The following NHLH2 variants were observed in gnomAD, a reference collection of about 807,000 sequenced individuals.
The protein encoded by NHLH2 is nescient helix-loop-helix 2, also known as helix-loop-helix protein 2.
Under a neutral mutation model 7.3 loss-of-function variants are expected in NHLH2, and 7 were observed. The observed-to-expected ratio is 0.96, with a 90% CI of 0.55 to 1.81. The LOEUF (loss-of-function observed/expected upper bound fraction) is 1.81. NHLH2 is among the 40% of genes most tolerant of loss of function. NHLH2 has a pLI of 0.00. For missense variants in NHLH2, 155 were observed against 194.0 expected, an observed-to-expected ratio of 0.80 and a Z score of 1.19; for synonymous variants, 93 against 91.6, an observed-to-expected ratio of 1.01 and a Z score of -0.09.
At chr1:115,832,055 G>A (rs924400674), downstream of NHLH2, among the ~76,000 whole-genome samples, 1 of 152,090 alleles carries the variant, frequency 6.6e-6, no homozygotes, top group African/African-American at 2.4e-5. Context: ...CTGAAAACTG[G>A]CCCTCTGCTT....
rs556966489 is a variant in NHLH2, at chr1:115,838,964, C to T, written c.-8-584G>A. 1.3e-3 allele frequency: 210 copies of T among 167,222 alleles called. 1 individual carries two copies. The highest frequency in any genetic ancestry group is 2.5e-3 in the Non-Finnish European group (174 of 68,372). 10.4% of individuals were successfully genotyped at this position (167,222 alleles called of 1,614,324 possible). ...TGGGGTGCGGCCGGTCAGGAATCCC[C>T]ATCCTGGAGCGCAGGCGGAGAGCCA... On this transcript the variant is annotated intron_variant, in intron 2 of 2. Transcript: ENST00000320238.
intron 2 of NHLH2, chr1:115,838,624 G>GGACA: frequency 2.3e-6 from 1 of 433,776 alleles, no homozygotes; most frequent in African/African-American, 2.1e-5. Context: ...ATACTAGACT[G>GGACA]GACACCTCGA....
At chr1:115,833,770 G>A (rs1388587120), downstream of NHLH2, among the ~76,000 whole-genome samples, 1 of 152,178 alleles carries the variant, frequency 6.6e-6, no homozygotes, top group Non-Finnish European at 1.5e-5. Context: ...TACTAATACT[G>A]ATAAATGAGA....
chr1:115,838,046 CG>C lies in NHLH2; in HGVS notation c.326del (p.Pro109ArgfsTer148). On this transcript the variant is annotated frameshift_variant, in exon 3 of 3. Transcript: ENST00000320238. LOFTEE classifies it high-confidence loss of function. ...ELRKLLPTLPPDKKLSKIEIL... is the reference protein window; with the variant it reads ...ELRKLLPTLPXDKKLSKIEIL... ...TCTCGATCTTGGAGAGCTTCTTGTC[CG>C]GGGGCAGCGTGGGCAGCAATTTGCG... The C allele has an allele frequency of 1.2e-6, 2 of 1,609,848 alleles. No individual in the cohort carries two copies. The highest frequency in any genetic ancestry group is 8.5e-7 in the Non-Finnish European group (1 of 1,178,368).
chr1:115,840,743 AT>A (rs34163403), intron 1 of NHLH2, 199 bp from the exon 2 acceptor site: 2,409 of 141,944 alleles, frequency 0.017, 34 homozygotes, highest in African/African-American at 0.034. Flanking sequence ...CTCAGAAGTG[AT>A]TTTTTTTTTT....
In NHLH2 at chr1:115,836,890, T is replaced by C. The variant is rs1488051310; in HGVS notation, c.*1075A>G. On this transcript the variant is annotated 3_prime_UTR_variant, in exon 3 of 3. Transcript: ENST00000320238. ...CAAAAGAACCTTTCAAGAACAAACA[T>C]CTTAATATATAAAATATGTTTAGAA... 6.6e-6 allele frequency: 1 copy of C among 152,172 alleles called. No homozygotes were observed. Among genetic ancestry groups the C allele is most frequent in the African/African-American group, 2.4e-5 (1 of 41,428 alleles). The allele number at this position is 152,172 out of a possible 1,614,324, so 9.4% of individuals were successfully genotyped here.
chr1:115,838,579 C>T, intron 2 of NHLH2, 199 bp from the exon 3 acceptor site: 1 of 506,402 alleles, frequency 2.0e-6, no homozygotes, highest in Non-Finnish European at 3.4e-6. Context: ...CGCCCTGGCG[C>T]GGGAGCCGGC....
At chr1:115,835,195 T>A (rs964052230), downstream of NHLH2, among the ~76,000 whole-genome samples, 8 of 151,962 alleles carry the variant, frequency 5.3e-5, no homozygotes, top group African/African-American at 1.7e-4. Flanking sequence ...GAATGGGAGG[T>A]CTGTGTTGGT....
At position 115,838,211 on chromosome 1, in the gene NHLH2, G is replaced by A. The variant is rs201310797; in HGVS notation, c.162C>T (p.Ala54=). 1,355 of 1,559,662 alleles carry A rather than the reference G, an allele frequency of 8.7e-4. 11 individuals are homozygous for A. In the African/African-American group the frequency reaches 0.016, roughly 18 times the overall value. ...AEGDGKGGSR[A]ALYPHPQQLS... ...GCTGCTGCGGGTGCGGGTAGAGCGC[G>A]GCTCGGCTGCCGCCCTTGCCGTCGC... is the stretch of plus-strand genomic sequence containing the variant. Residue 54 remains alanine (A), a synonymous_variant, in exon 3 of 3, where the codon GCC becomes GCT. Transcript: ENST00000320238.
In NHLH2 at chr1:115,837,788, T is replaced by A; in HGVS notation, c.*177A>T. On this transcript the variant is annotated 3_prime_UTR_variant, in exon 3 of 3. Transcript: ENST00000320238. ...CCCCACCTGCCTGCGTCGGAAACCT[T>A]CCCTCGTCGCCCTGCTGACCAGAGA... The A allele has an allele frequency of 1.5e-6, 1 of 680,426 alleles. No homozygotes were observed. 42.1% of individuals were successfully genotyped at this position (680,426 alleles called of 1,614,324 possible).
chr1:115,832,159 C>A (rs991436020), downstream of NHLH2, among the ~76,000 whole-genome samples: 3 of 152,096 alleles, frequency 2.0e-5, no homozygotes, highest in African/African-American at 7.2e-5. Flanking sequence ...ATGGGAAAAA[C>A]CAAGGTAAAA....
Position 115,837,591 on chromosome 1 carries a change from T to G in NHLH2, c.*374A>C. On this transcript the variant is annotated 3_prime_UTR_variant, in exon 3 of 3. Coordinates refer to ENST00000320238, the MANE Select transcript of NHLH2 (RefSeq NM_005599.3). ...TGCATACTCTGAACTTCTGCCCTCA[T>G]TCTTTCAACACATTAAGATTTGTGG... is the stretch of plus-strand genomic sequence containing the variant. 1 of 243,064 alleles carries G rather than the reference T, an allele frequency of 4.1e-6. No individual in the cohort carries two copies. Among genetic ancestry groups the G allele is most frequent in the Non-Finnish European group, 7.9e-6 (1 of 126,458 alleles). The allele number at this position is 243,064 out of a possible 1,614,324, so 15.1% of individuals were successfully genotyped here.
downstream of NHLH2, among the ~76,000 whole-genome samples, chr1:115,835,719 T>C (rs1334036079): frequency 1.3e-5 from 2 of 152,258 alleles, no homozygotes; most frequent in Non-Finnish European, 2.9e-5. Flanking sequence ...ATTCTATATA[T>C]GCATATGTAC....
chr1:115,838,458 C>G, intron 2 of NHLH2, 78 bp from the exon 3 acceptor site: 1 of 1,494,794 alleles, frequency 6.7e-7, no homozygotes, highest in Non-Finnish European at 9.1e-7. Flanking sequence ...AGGCCTACCA[C>G]GCCGGTCCTC....
rs1651065491 is a variant in NHLH2, at chr1:115,841,116, T to C, written c.-506A>G. Reference sequence around the variant, plus strand: ...TGCGTGTGTGGCTTCTGGGCTCTCCTGGTACCAATTGATTCAGCCTGGAGA... The same window carrying C: ...TGCGTGTGTGGCTTCTGGGCTCTCCCGGTACCAATTGATTCAGCCTGGAGA... On this transcript the variant is annotated 5_prime_UTR_variant, in exon 1 of 3. Transcript: ENST00000320238. The C allele has an allele frequency of 6.0e-6, 1 of 167,078 alleles. No homozygotes were observed. The highest frequency in any genetic ancestry group is 2.4e-5 in the African/African-American group (1 of 41,452). The allele number at this position is 167,078 out of a possible 1,614,324, so 10.3% of individuals were successfully genotyped here.
downstream of NHLH2, among the ~76,000 whole-genome samples, chr1:115,834,810 A>G (rs577202230): frequency 6.6e-6 from 1 of 152,296 alleles, no homozygotes; most frequent in South Asian, 2.1e-4. Flanking sequence ...CTCTATTTTC[A>G]GCATTTAGAA....
At position 115,840,353 on chromosome 1, in the gene NHLH2, C is replaced by A. The variant is rs142250115; in HGVS notation, c.-146G>T. On this transcript the variant is annotated 5_prime_UTR_variant, in exon 2 of 3. Coordinates refer to ENST00000320238, the MANE Select transcript of NHLH2 (RefSeq NM_005599.3). ...AAAAATGAAAAAGCAGCTGTCATCT[C>A]GCTGGTGTCCGCAGCGAGGGACAAT... 8.7e-3 allele frequency: 1,447 copies of A among 167,152 alleles called. 15 individuals carry two copies. The highest frequency in any genetic ancestry group is 9.1e-3 in the Non-Finnish European group (620 of 68,124). The allele number at this position is 167,152 out of a possible 1,614,324, so 10.4% of individuals were successfully genotyped here.
chr1:115,835,016 C>A (rs147374099), downstream of NHLH2, among the ~76,000 whole-genome samples: 16 of 152,318 alleles, frequency 1.1e-4, no homozygotes, highest in Admixed American at 3.3e-4. Context: ...TTGGAGGGTG[C>A]TCAGCAGCTT....
At chr1:115,840,583 A>G (rs573513049) in intron 1 of NHLH2, 39 bp from the exon 2 acceptor site, 1 of 167,172 alleles carries the variant, frequency 6.0e-6, no homozygotes, top group Admixed American at 6.5e-5. Context: ...AAACACAATC[A>G]CATCAAAGGG....
Sources: gnomAD v4.1 joint callset for allele counts (sites outside exome capture counted in the v4.1 genomes callset) on GRCh38, gnomAD v4.1.1 for gene constraint, MANE v1.5 for transcripts, NCBI Gene and HGNC (gene_info 2026-07-23, HGNC 2026-07-21) for gene names.